PTH2R: variants seen among roughly 807,000 people sequenced by gnomAD.
The protein encoded by PTH2R is PTH2 receptor.
PTH2R carries 59 observed loss-of-function variants against 60.3 expected under a neutral mutation model. That is an observed-to-expected ratio of 0.98 (90% CI 0.79 to 1.22). The LOEUF (loss-of-function observed/expected upper bound fraction) is 1.22. PTH2R is among the 50% of genes most tolerant of loss of function. The pLI is 0.00. For synonymous variants in PTH2R, 256 were observed against 243.8 expected (o/e 1.05, Z -0.47); for missense variants, 749 against 682.6 (o/e 1.10, Z -1.08).
intron 1 of PTH2R, among the ~76,000 whole-genome samples, chr2:208,369,041 A>G (rs1245257298): frequency 6.6e-6 from 1 of 151,552 alleles, no homozygotes; most frequent in African/African-American, 2.4e-5. Flanking sequence ...CCTGGTTTGT[A>G]GGAAAAAGTA....
intron 1 of PTH2R, among the ~76,000 whole-genome samples, chr2:208,370,736 C>A (rs926335639): frequency 6.6e-6 from 1 of 151,976 alleles, no homozygotes; most frequent in Non-Finnish European, 1.5e-5. Flanking sequence ...AGTGAAGGAA[C>A]GAACAACCCA....
chr2:208,362,094 T>C lies in PTH2R; in HGVS notation c.-259+1857T>C, dbSNP rs145430880. On this transcript the variant is annotated intron_variant, in intron 1 of 12. Transcript: ENST00000617735. The stretch of plus-strand genomic sequence containing the variant: ...CTGTGCCCTTTAGCTGGGACATCCA[T>C]CTTCTGCCATCAGACATCAGAGCTT... Among the ~76,000 whole-genome samples the C allele has an allele frequency of 2.6e-3, 402 of 152,340 alleles. 1 individual carries two copies. Among genetic ancestry groups the C allele is most frequent in the African/African-American group, 8.8e-3 (364 of 41,580 alleles).
At chr2:208,387,813 T>C (rs374950880) in intron 1 of PTH2R, among the ~76,000 whole-genome samples, 24 of 152,310 alleles carry the variant, frequency 1.6e-4, no homozygotes, top group Admixed American at 1.3e-3. Context: ...CAACAACCCC[T>C]TTTTATACAA....
At chr2:208,457,752 A>G (rs1702543587) in intron 8 of PTH2R, among the ~76,000 whole-genome samples, 1 of 152,178 alleles carries the variant, frequency 6.6e-6, no homozygotes, top group African/African-American at 2.4e-5. Context: ...CTGTCTTTTT[A>G]TATAGTTTGA....
At chr2:208,362,837 A>AGTGTGT (rs4021384) in intron 1 of PTH2R, among the ~76,000 whole-genome samples, 10 of 150,466 alleles carry the variant, frequency 6.6e-5, no homozygotes, top group African/African-American at 2.5e-4. Flanking sequence ...AACACTTATT[A>AGTGTGT]GTGTGTGTGT....
chr2:208,485,232 G>A (rs150585837), intron 10 of PTH2R, among the ~76,000 whole-genome samples: 8 of 152,090 alleles, frequency 5.3e-5, no homozygotes, highest in African/African-American at 1.9e-4. Context: ...CATCACCTAG[G>A]GAGAGAGAGC....
intron 1 of PTH2R, among the ~76,000 whole-genome samples, chr2:208,361,684 T>C (rs1700476787): frequency 6.6e-6 from 1 of 152,218 alleles, no homozygotes; most frequent in African/African-American, 2.4e-5. Context: ...CATAAGTATT[T>C]GTCTTTTCTT....
rs116180294 is a variant in PTH2R at position 208,464,882 on chromosome 2, A to T, written c.981+4921A>T. Among the ~76,000 whole-genome samples, 151 of 152,270 alleles carry T rather than the reference A, an allele frequency of 9.9e-4. 2 individuals carry two copies. Among genetic ancestry groups the T allele is most frequent in the African/African-American group, 3.4e-3 (140 of 41,560 alleles). ...ATAATGACTGTGCCTACTCACACTC[A>T]TACTAACAGGGTACACATTTTTTTT... On this transcript the variant is annotated intron_variant, in intron 9 of 12. Transcript: ENST00000272847.
At chr2:208,477,755 A>G (rs1007388285) in intron 9 of PTH2R, among the ~76,000 whole-genome samples, 6 of 151,240 alleles carry the variant, frequency 4.0e-5, no homozygotes, top group Non-Finnish European at 8.9e-5. Context: ...CTTTTTTTAA[A>G]TTTCTTTGCT....
intron 1 of PTH2R, among the ~76,000 whole-genome samples, chr2:208,401,717 C>T (rs543853819): frequency 1.2e-4 from 18 of 152,290 alleles, no homozygotes; most frequent in African/African-American, 4.3e-4. Context: ...TTGGGTCACA[C>T]ACAGCCCTTC....
chr2:208,403,204 T>C (rs1574841757), upstream of PTH2R, among the ~76,000 whole-genome samples: 1 of 152,234 alleles, frequency 6.6e-6, no homozygotes, highest in African/African-American at 2.4e-5. Context: ...TATTGGCTAG[T>C]TCAGTCAGAC....
intron 1 of PTH2R, among the ~76,000 whole-genome samples, chr2:208,420,775 G>C (rs1701738799): frequency 6.6e-6 from 1 of 152,124 alleles, no homozygotes; most frequent in Non-Finnish European, 1.5e-5. Context: ...TAATCCCTCT[G>C]TCTTATGCAG....
chr2:208,395,472 G>C (rs932948136), intron 1 of PTH2R, among the ~76,000 whole-genome samples: 13 of 152,192 alleles, frequency 8.5e-5, no homozygotes, highest in Non-Finnish European at 1.9e-4. Context: ...GTGCTCACCA[G>C]CGGTGTGGTA....
intron 1 of PTH2R, among the ~76,000 whole-genome samples, chr2:208,379,955 A>G (rs1474622223): frequency 1.3e-5 from 2 of 152,008 alleles, no homozygotes; most frequent in Non-Finnish European, 2.9e-5. Context: ...TCAAAGGCTC[A>G]GAATCATCCC....
chr2:208,410,262 A>G (rs1408422312), intron 1 of PTH2R, among the ~76,000 whole-genome samples: 2 of 152,192 alleles, frequency 1.3e-5, no homozygotes, highest in African/African-American at 4.8e-5. Context: ...ACTTTATGAG[A>G]TGGGCACTGT....
intron 2 of PTH2R, among the ~76,000 whole-genome samples, chr2:208,432,214 G>A (rs988094167): frequency 2.6e-5 from 4 of 152,158 alleles, no homozygotes; most frequent in East Asian, 1.9e-4. Context: ...CATTATCATC[G>A]TCAGTGTCCC....
intron 7 of PTH2R, among the ~76,000 whole-genome samples, chr2:208,448,300 CA>C (rs1702331109): frequency 6.6e-6 from 1 of 152,068 alleles, no homozygotes; most frequent in African/African-American, 2.4e-5. Flanking sequence ...TCATATGTAT[CA>C]TATTCAACAT....
intron 12 of PTH2R, among the ~76,000 whole-genome samples, chr2:208,492,897 C>T (rs1015211786): frequency 2.6e-5 from 4 of 152,110 alleles, no homozygotes; most frequent in African/African-American, 7.2e-5. Flanking sequence ...TCATGTGCCA[C>T]GCGAGAGTTC....
intron 9 of PTH2R, among the ~76,000 whole-genome samples, chr2:208,470,940 C>G (rs1056973149): frequency 1.3e-5 from 2 of 152,084 alleles, no homozygotes; most frequent in African/African-American, 2.4e-5. Context: ...AGGTGAGGAA[C>G]TTTTTGGGAA....
Sources: allele counts gnomAD v4.1 joint callset (sites outside exome capture counted in the v4.1 genomes callset), GRCh38; gene constraint gnomAD v4.1.1; transcripts MANE v1.5; gene names NCBI Gene and HGNC (gene_info 2026-07-23, HGNC 2026-07-21).